Variants in TMEM135 observed in about 807,000 individuals in gnomAD.
The protein encoded by TMEM135 is transmembrane protein 135, also known as peroxisomal membrane protein 52.
TMEM135 carries 30 observed loss-of-function variants against 60.3 expected under a neutral mutation model. The observed-to-expected ratio is 0.50, with a 90% CI of 0.37 to 0.68. The LOEUF (loss-of-function observed/expected upper bound fraction) is 0.68, where lower values mean the gene tolerates loss of function less well. TMEM135 is among the 30% of genes least tolerant of loss of function. The pLI, the probability that TMEM135 is intolerant of heterozygous loss-of-function variation, is 0.00. For synonymous variants in TMEM135, 190 were observed against 186.7 expected (o/e 1.02, Z -0.14); for missense variants, 468 against 548.8 (o/e 0.85, Z 1.47).
Position 87,038,031 on chromosome 11 carries a change from G to A in TMEM135, c.-15G>A, listed in dbSNP as rs773059438. On this transcript the variant is annotated 5_prime_UTR_variant, in exon 1 of 15. Coordinates refer to ENST00000305494, the MANE Select transcript of TMEM135 (RefSeq NM_022918.4). ...AGGCTCTCCCCCTCCTGTCTTCTCCGCGCTGTTCCTCGTCATGGCGGCCCT... is the reference window on the plus strand; with the variant it reads ...AGGCTCTCCCCCTCCTGTCTTCTCCACGCTGTTCCTCGTCATGGCGGCCCT... 1 of 1,613,716 alleles carries A rather than the reference G, an allele frequency of 6.2e-7. No homozygotes were observed. The highest frequency in any genetic ancestry group is 8.5e-7 in the Non-Finnish European group (1 of 1,179,982).
In TMEM135 at chr11:87,149,712, C is replaced by T. The variant is rs563629803; in HGVS notation, c.397-7629C>T. On this transcript the variant is annotated intron_variant, in intron 4 of 14. Transcript: ENST00000305494. ...CCAATTTTCTCTCAACTATGATTCTCATTCTAGCCACAAGTCAATCTCCTT... is the reference window on the plus strand; with the variant it reads ...CCAATTTTCTCTCAACTATGATTCTTATTCTAGCCACAAGTCAATCTCCTT... Among the ~76,000 whole-genome samples, 5 of 152,286 alleles carry T rather than the reference C, an allele frequency of 3.3e-5. No homozygotes were observed. In the East Asian group the frequency reaches 9.6e-4, roughly 29 times the overall value.
intron 5 of TMEM135, among the ~76,000 whole-genome samples, chr11:87,216,282 G>C (rs905605381): frequency 6.6e-6 from 1 of 152,134 alleles, no homozygotes; most frequent in Non-Finnish European, 1.5e-5. Flanking sequence ...CTTACCTTGA[G>C]AGTAGACCTA....
intron 6 of TMEM135, among the ~76,000 whole-genome samples, chr11:87,277,770 C>T (rs944882881): frequency 1.3e-5 from 2 of 152,132 alleles, no homozygotes; most frequent in Non-Finnish European, 2.9e-5. Flanking sequence ...GATCTGCCCT[C>T]CTCAGCCTGC....
At chr11:87,222,767 T>TG (rs1940667682) in intron 5 of TMEM135, among the ~76,000 whole-genome samples, 1 of 151,544 alleles carries the variant, frequency 6.6e-6, no homozygotes, top group Non-Finnish European at 1.5e-5. Flanking sequence ...ATCATGCCAT[T>TG]GCACTCCAGC....
At chr11:87,191,925 G>A (rs952078547) in intron 5 of TMEM135, among the ~76,000 whole-genome samples, 6 of 150,302 alleles carry the variant, frequency 4.0e-5, no homozygotes, top group Non-Finnish European at 7.4e-5. Flanking sequence ...TGGACGTGGG[G>A]CATTTTTTTG....
intron 4 of TMEM135, among the ~76,000 whole-genome samples, chr11:87,149,496 C>T (rs1938500112): frequency 6.6e-6 from 1 of 152,172 alleles, no homozygotes; most frequent in African/African-American, 2.4e-5. Context: ...GTTATATTTG[C>T]ACCTGCTTTC....
intron 12 of TMEM135, among the ~76,000 whole-genome samples, chr11:87,316,038 A>C (rs913628665): frequency 6.6e-6 from 1 of 151,744 alleles, no homozygotes; most frequent in Non-Finnish European, 1.5e-5. Flanking sequence ...AATGGCTCCT[A>C]GTTTGTTTTA....
intron 6 of TMEM135, among the ~76,000 whole-genome samples, chr11:87,287,622 A>G (rs1423495923): frequency 6.6e-6 from 1 of 152,232 alleles, no homozygotes; most frequent in Non-Finnish European, 1.5e-5. Context: ...GATTGCAGTG[A>G]GCTGAGATCA....
intron 1 of TMEM135, among the ~76,000 whole-genome samples, chr11:87,053,989 GC>G: frequency 6.6e-6 from 1 of 152,264 alleles, no homozygotes; most frequent in South Asian, 2.1e-4. Context: ...TTGTTAGTGA[GC>G]CTGAATAATT....
intron 2 of TMEM135, among the ~76,000 whole-genome samples, chr11:87,068,771 A>G (rs1856715926): frequency 6.7e-6 from 1 of 148,832 alleles, no homozygotes; most frequent in South Asian, 2.1e-4. Context: ...AGATCGCGCC[A>G]TTGCACTCCA....
chr11:87,113,550 A>G (rs929291202), intron 4 of TMEM135, among the ~76,000 whole-genome samples: 4 of 152,102 alleles, frequency 2.6e-5, no homozygotes, highest in African/African-American at 9.6e-5. Context: ...CTGTTCTTGT[A>G]AATGTGGCAG....
Position 87,318,193 on chromosome 11 carries a change from T to A in TMEM135, c.1134T>A (p.Asp378Glu). The change falls in exon 13 of 15, where the codon GAT becomes GAA. Residue 378 changes from aspartate to glutamate, a missense_variant. By Grantham distance (45) the Asp-to-Glu change is conservative. Coordinates refer to ENST00000305494, the MANE Select transcript of TMEM135 (RefSeq NM_022918.4). Reference protein sequence around the residue: ...AGKVPYFPHADTIIYSISTAI... With the variant: ...AGKVPYFPHAETIIYSISTAI... ...AGGTTCCCTATTTTCCTCATGCAGATACTATCATCTATTCCATCTCTACAG... is the reference window on the plus strand; with the variant it reads ...AGGTTCCCTATTTTCCTCATGCAGAAACTATCATCTATTCCATCTCTACAG... 1 of 1,612,862 alleles carries A rather than the reference T, an allele frequency of 6.2e-7. No homozygotes were observed. Among genetic ancestry groups the A allele is most frequent in the Non-Finnish European group, 8.5e-7 (1 of 1,179,748 alleles).
At position 87,047,050 on chromosome 11, in the gene TMEM135, G is replaced by A. The variant is rs568435492; in HGVS notation, c.141+8864G>A. ...TTATTCCTCTGCCCATAACTCTCCA[G>A]GGACTTTCCAATGCAATACAATGTG... On this transcript the variant is annotated intron_variant, in intron 1 of 14. Transcript: ENST00000305494. 3.4e-4 allele frequency among the ~76,000 whole-genome samples: 51 copies of A among 152,228 alleles called. No homozygotes were observed. The South Asian group carries it at 8.3e-3, about 25-fold the overall frequency.
Position 87,326,844 on chromosome 11 carries a change from C to T in TMEM135, c.*5511C>T, listed in dbSNP as rs1942919421. The T allele has an allele frequency of 2.2e-6, 1 of 451,412 alleles. No homozygotes were observed. Among genetic ancestry groups the T allele is most frequent in the African/African-American group, 2.0e-5 (1 of 49,418 alleles). 28.0% of individuals were successfully genotyped at this position (451,412 alleles called of 1,614,324 possible). On this transcript the variant is annotated 3_prime_UTR_variant, in exon 15 of 15. Coordinates refer to ENST00000305494, the MANE Select transcript of TMEM135 (RefSeq NM_022918.4). Reference sequence around the variant, plus strand: ...TGCTCAGGGATAGCACTAAGGCTCTCTTCAGAACCAAAGGGCAGGATAAAT... The same window carrying T: ...TGCTCAGGGATAGCACTAAGGCTCTTTTCAGAACCAAAGGGCAGGATAAAT...
intron 3 of TMEM135, among the ~76,000 whole-genome samples, chr11:87,072,526 G>A (rs1478370318): frequency 6.6e-6 from 1 of 151,852 alleles, no homozygotes; most frequent in African/African-American, 2.4e-5. Flanking sequence ...GATTACAGGC[G>A]CATGCCACCA....
chr11:87,047,341 G>T (rs376011361), intron 1 of TMEM135, among the ~76,000 whole-genome samples: 211 of 152,186 alleles, frequency 1.4e-3, no homozygotes, highest in African/African-American at 4.0e-3. Context: ...AACAGCTCCG[G>T]TCTACAGCTC....
At chr11:87,219,972 G>T (rs1171721395) in intron 5 of TMEM135, among the ~76,000 whole-genome samples, 2 of 152,056 alleles carry the variant, frequency 1.3e-5, no homozygotes, top group Non-Finnish European at 2.9e-5. Flanking sequence ...TGCTCAGATA[G>T]GTCTCAATAA....
chr11:87,283,188 G>T (rs1050877535), intron 6 of TMEM135, among the ~76,000 whole-genome samples: 1 of 151,826 alleles, frequency 6.6e-6, no homozygotes, highest in Non-Finnish European at 1.5e-5. Flanking sequence ...TACAAAATTA[G>T]CCAGGTGTGG....
chr11:87,247,481 G>C (rs1713644), intron 6 of TMEM135, among the ~76,000 whole-genome samples: 13,451 of 152,118 alleles, frequency 0.088, 757 homozygotes, highest in South Asian at 0.16. Context: ...AGGCAGGCAG[G>C]CCTCCTTGAG....
Sources: allele counts gnomAD v4.1 joint callset (sites outside exome capture counted in the v4.1 genomes callset), GRCh38; gene constraint gnomAD v4.1.1; transcripts MANE v1.5; gene names NCBI Gene and HGNC (gene_info 2026-07-23, HGNC 2026-07-21).